Variants in PIK3C3 observed in about 807,000 individuals in gnomAD.
PIK3C3 encodes phosphatidylinositol 3-kinase catalytic subunit type 3, also known as PI3-kinase type 3.
PIK3C3 carries 95 observed loss-of-function variants against 126.1 expected under a neutral mutation model. The observed-to-expected ratio is 0.75, with a 90% CI of 0.64 to 0.89. The LOEUF is 0.89. PIK3C3 is among the 40% of genes least tolerant of loss of function. The pLI is 0.00. For synonymous variants in PIK3C3, 374 were observed against 360.0 expected, an observed-to-expected ratio of 1.04 and a Z score of -0.44; for missense variants, 829 against 1,063.2, an observed-to-expected ratio of 0.78 and a Z score of 3.06.
Position 42,067,504 on chromosome 18 carries a change from G to A in PIK3C3, c.2640G>A (p.Lys880=), listed in dbSNP as rs1985592117. 5.0e-6 allele frequency: 8 copies of A among 1,614,110 alleles called. No homozygotes were observed. Among genetic ancestry groups the A allele is most frequent in the East Asian group, 2.2e-5 (1 of 44,866 alleles). Residue 880 remains lysine, a synonymous_variant, in exon 24 of 25, where the codon AAG becomes AAA. Coordinates refer to ENST00000262039, the MANE Select transcript of PIK3C3 (RefSeq NM_002647.4). ...CTGCAGTGGTGGAACAGATTCACAA[G>A]TTTGCCCAGGTAAGTTCCCTGAGTG... The part of the protein sequence containing the change: ...LFAAVVEQIH[K]FAQYWRK
In PIK3C3 at chr18:42,067,416, C is replaced by T. The variant is rs1306170227; in HGVS notation, c.2552C>T (p.Ser851Leu). Residue 851 changes from serine to leucine, a missense_variant, in exon 24 of 25, where the codon TCG becomes TTG. Ser to Leu is a moderately radical substitution (Grantham distance 145). Around this residue, in one of 4 missense-constraint regions of PIK3C3, gnomAD observed 196 missense variants for 312.8 expected, o/e 0.63. Coordinates refer to ENST00000262039, the MANE Select transcript of PIK3C3 (RefSeq NM_002647.4). ...KVQDKFRLDL[S>L]DEEAVHYMQS... is the part of the protein sequence containing the mutation. ...CAGGATAAATTCCGCTTAGACCTGT[C>T]GGATGAAGAGGCTGTGCATTACATG... 12 of 1,613,894 alleles carry T rather than the reference C, an allele frequency of 7.4e-6. No individual in the cohort carries two copies. Among genetic ancestry groups the T allele is most frequent in the Middle Eastern group, 1.6e-4 (1 of 6,062 alleles).
chr18:42,077,653 C>T (rs1328807690), intron 24 of PIK3C3, among the ~76,000 whole-genome samples: 1 of 152,202 alleles, frequency 6.6e-6, no homozygotes, highest in African/African-American at 2.4e-5. Context: ...ACCACATCTG[C>T]AATTACTTCC....
At chr18:42,042,597 C>T (rs558022236) in intron 19 of PIK3C3, among the ~76,000 whole-genome samples, 1 of 152,146 alleles carries the variant, frequency 6.6e-6, no homozygotes, top group African/African-American at 2.4e-5. Flanking sequence ...ATCATTGTTT[C>T]ATAAAGTTTT....
intron 6 of PIK3C3, 73 bp downstream of exon 6, chr18:41,990,627 C>T (rs1598874318): frequency 2.5e-6 from 2 of 787,204 alleles, no homozygotes; most frequent in Non-Finnish European, 4.3e-6. Flanking sequence ...ATTGTTGTTC[C>T]TGCTGGGATG....
At chr18:42,003,299 T>G (rs1222615680) in intron 9 of PIK3C3, among the ~76,000 whole-genome samples, 1 of 152,174 alleles carries the variant, frequency 6.6e-6, no homozygotes, top group East Asian at 1.9e-4. Flanking sequence ...TCTTAACATT[T>G]TCAAGTTACC....
intron 24 of PIK3C3, among the ~76,000 whole-genome samples, chr18:42,069,574 C>T (rs755382726): frequency 2.6e-4 from 39 of 152,108 alleles, no homozygotes; most frequent in Non-Finnish European, 4.9e-4. Context: ...TTTTTTTAAG[C>T]TCAACTAGTT....
chr18:42,029,534 ATTTTTTTTTTT>A (rs57593886), intron 15 of PIK3C3, 93 bp downstream of exon 15: 81 of 212,748 alleles, frequency 3.8e-4, no homozygotes, highest in Middle Eastern at 1.4e-3. Flanking sequence ...TGATACGTGA[ATTTTTTTTTTT>A]TTTTTTTTTT....
At chr18:42,036,924 G>T (rs147635284) in intron 16 of PIK3C3, among the ~76,000 whole-genome samples, 1 of 152,136 alleles carries the variant, frequency 6.6e-6, no homozygotes, top group Non-Finnish European at 1.5e-5. Flanking sequence ...TTTATGTCAT[G>T]CATTACAGTC....
chr18:41,987,771 A>G (rs777982098), intron 4 of PIK3C3, 41 bp from the exon 5 acceptor site: 4 of 1,328,302 alleles, frequency 3.0e-6, no homozygotes, highest in African/African-American at 1.4e-5. Context: ...TCTTTCTACT[A>G]GATGTATATT....
chr18:42,035,820 T>C (rs1011555426), intron 16 of PIK3C3, among the ~76,000 whole-genome samples: 2 of 152,156 alleles, frequency 1.3e-5, no homozygotes, highest in Non-Finnish European at 2.9e-5. Context: ...TCCTTAGAGC[T>C]GAAAAGGCTA....
chr18:42,033,723 C>A, intron 15 of PIK3C3, 103 bp from the exon 16 acceptor site: 1 of 806,476 alleles, frequency 1.2e-6, no homozygotes, highest in Non-Finnish European at 1.9e-6. Context: ...TGGTGCTTTG[C>A]AAATACTTTT....
chr18:42,041,614 T>G (rs1426507548), intron 19 of PIK3C3, among the ~76,000 whole-genome samples: 1 of 151,466 alleles, frequency 6.6e-6, no homozygotes, highest in African/African-American at 2.4e-5. Flanking sequence ...GGTATGTAAT[T>G]AAAACAAAAA....
intron 24 of PIK3C3, among the ~76,000 whole-genome samples, chr18:42,074,972 C>T (rs1985919677): frequency 6.6e-6 from 1 of 152,052 alleles, no homozygotes; most frequent in Non-Finnish European, 1.5e-5. Flanking sequence ...ACTCAAATAG[C>T]CATGTACAAA....
intron 4 of PIK3C3, among the ~76,000 whole-genome samples, chr18:41,982,315 A>C (rs574853297): frequency 6.6e-6 from 1 of 152,296 alleles, no homozygotes; most frequent in Admixed American, 6.5e-5. Flanking sequence ...AGACATTATT[A>C]AACACCTATT....
At chr18:41,996,792 A>G in intron 9 of PIK3C3, 62 bp downstream of exon 9, 1 of 855,562 alleles carries the variant, frequency 1.2e-6, no homozygotes, top group Non-Finnish European at 1.9e-6. Context: ...TTAATGATCA[A>G]GATGAGGAAA....
rs115047173 is a variant in PIK3C3 at position 41,997,236 on chromosome 18, G to A, written c.984+506G>A. ...CAGAATTCTAGACGAGATGTGGCTG[G>A]AGAGAGAGTATGAGAAATATAATTT... On this transcript the variant is annotated intron_variant, in intron 9 of 24. Coordinates refer to ENST00000262039, the MANE Select transcript of PIK3C3 (RefSeq NM_002647.4). Among the ~76,000 whole-genome samples the A allele has an allele frequency of 5.9e-3, 901 of 152,202 alleles. 14 individuals carry two copies. The highest frequency in any genetic ancestry group is 0.021 in the African/African-American group (862 of 41,532).
At chr18:42,002,888 T>A (rs1982357248) in intron 9 of PIK3C3, among the ~76,000 whole-genome samples, 1 of 152,218 alleles carries the variant, frequency 6.6e-6, no homozygotes, top group African/African-American at 2.4e-5. Context: ...TGAAAGGAAC[T>A]GGAATGGATT....
chr18:42,033,893 C>G lies in PIK3C3; in HGVS notation c.1775C>G (p.Pro592Arg). 8.1e-6 allele frequency: 13 copies of G among 1,604,878 alleles called. No homozygotes were observed. Among genetic ancestry groups the G allele is most frequent in the Non-Finnish European group, 1.1e-5 (13 of 1,174,062 alleles). Residue 592 changes from proline (P) to arginine (R), a missense_variant, in exon 16 of 25, where the codon CCG becomes CGG. This residue lies in a region of PIK3C3 where 256 missense variants were observed against 291.0 expected (regional missense o/e 0.88). Transcript: ENST00000262039. Reference protein sequence around the residue: ...KMNLSDVELIPLPLEPQVKIR... With the variant: ...KMNLSDVELIRLPLEPQVKIR... The stretch of plus-strand genomic sequence containing the variant: ...AATTTGTCAGATGTGGAACTTATCC[C>G]GTTGCCTTTAGAACCCCAAGTGAAA...
chr18:42,065,130 A>G (rs5004531), intron 23 of PIK3C3, among the ~76,000 whole-genome samples: 36,354 of 152,178 alleles, frequency 0.24, 4,732 homozygotes, highest in South Asian at 0.4. Flanking sequence ...GCCAGCTACA[A>G]TGAATCTTCA....
Sources: gnomAD v4.1 joint callset for allele counts (sites outside exome capture counted in the v4.1 genomes callset) on GRCh38, gnomAD v4.1.1 for gene constraint, gnomAD v4.1.1 regional missense constraint, MANE v1.5 for transcripts, NCBI Gene and HGNC (gene_info 2026-07-23, HGNC 2026-07-21) for gene names.